The following ERBB4 variants were observed in gnomAD, a reference collection of about 807,000 sequenced individuals.
The protein encoded by ERBB4 is receptor tyrosine-protein kinase erbB-4.
ERBB4 carries 42 observed loss-of-function variants against 158.0 expected under a neutral mutation model. The ratio of observed to expected loss-of-function variants is 0.27; its 90% CI spans 0.21 to 0.34. The LOEUF is 0.34. Ranked by LOEUF, ERBB4 falls within the 10% of genes least tolerant of loss-of-function variation. The pLI, the probability that ERBB4 is intolerant of heterozygous loss-of-function variation, is 1.00. For missense variants in ERBB4, 1,333 were observed against 1,624.1 expected, an observed-to-expected ratio of 0.82 and a Z score of 3.08; for synonymous variants, 583 against 558.7, an observed-to-expected ratio of 1.04 and a Z score of -0.61.
intron 1 of ERBB4, among the ~76,000 whole-genome samples, chr2:212,138,123 A>T (rs2125598380): frequency 6.6e-6 from 1 of 152,276 alleles, no homozygotes; most frequent in Admixed American, 6.5e-5. Context: ...AATAAATATG[A>T]ATAATTTTAT....
intron 2 of ERBB4, among the ~76,000 whole-genome samples, chr2:211,962,857 A>G (rs1223320528): frequency 6.6e-6 from 1 of 152,156 alleles, no homozygotes; most frequent in Non-Finnish European, 1.5e-5. Context: ...AAAAACCAGT[A>G]TAAGGAACAA....
chr2:212,216,589 A>T (rs2083106742), intron 1 of ERBB4, among the ~76,000 whole-genome samples: 1 of 151,324 alleles, frequency 6.6e-6, no homozygotes, highest in Non-Finnish European at 1.5e-5. Flanking sequence ...GAGAATTAAT[A>T]TCTTCATCCA....
chr2:212,259,323 C>T (rs1012404724), intron 1 of ERBB4, among the ~76,000 whole-genome samples: 2 of 152,122 alleles, frequency 1.3e-5, no homozygotes, highest in Non-Finnish European at 2.9e-5. Context: ...ACTTGAAAAG[C>T]CAATGAGTCC....
chr2:211,921,921 A>G (rs2079867734), intron 3 of ERBB4, among the ~76,000 whole-genome samples: 1 of 152,094 alleles, frequency 6.6e-6, no homozygotes. Flanking sequence ...GCTGGATGGT[A>G]GTTGTGATTT....
intron 20 of ERBB4, among the ~76,000 whole-genome samples, chr2:211,516,107 G>A (rs1361549208): frequency 2.0e-5 from 3 of 149,730 alleles, no homozygotes; most frequent in Non-Finnish European, 3.0e-5. Context: ...TAGTAGAGAC[G>A]GGGTTTCACT....
At chr2:211,936,084 T>C (rs1275311779) in intron 3 of ERBB4, among the ~76,000 whole-genome samples, 1 of 152,152 alleles carries the variant, frequency 6.6e-6, no homozygotes, top group Non-Finnish European at 1.5e-5. Flanking sequence ...TGTTCTTATT[T>C]GTATACCAGC....
chr2:212,217,686 C>G (rs1221051654), intron 1 of ERBB4, among the ~76,000 whole-genome samples: 1 of 151,104 alleles, frequency 6.6e-6, no homozygotes, highest in Admixed American at 6.6e-5. Flanking sequence ...TTAAACAGAC[C>G]CATTAAAACA....
chr2:212,443,403 G>A (rs926516850), intron 1 of ERBB4, among the ~76,000 whole-genome samples: 18 of 152,160 alleles, frequency 1.2e-4, no homozygotes, highest in East Asian at 1.2e-3. Flanking sequence ...TTCCAACTTC[G>A]TAAAATTTCC....
At chr2:212,307,205 G>C (rs2086841900) in intron 1 of ERBB4, among the ~76,000 whole-genome samples, 1 of 151,092 alleles carries the variant, frequency 6.6e-6, no homozygotes, top group Admixed American at 6.6e-5. Context: ...AACTGGATCA[G>C]ATGACCTTTC....
intron 2 of ERBB4, among the ~76,000 whole-genome samples, chr2:212,000,278 G>A (rs577700580): frequency 2.6e-5 from 4 of 151,840 alleles, no homozygotes; most frequent in East Asian, 1.9e-4. Flanking sequence ...CTGAATTTCC[G>A]TGGCCAGATA....
At chr2:211,438,229 C>CATG (rs1448806795) in intron 20 of ERBB4, among the ~76,000 whole-genome samples, 1 of 152,096 alleles carries the variant, frequency 6.6e-6, no homozygotes. Flanking sequence ...ATTTTTATTC[C>CATG]ATGATAGATG....
intron 2 of ERBB4, among the ~76,000 whole-genome samples, chr2:212,080,598 T>C (rs565458624): frequency 2.6e-5 from 3 of 114,744 alleles, no homozygotes; most frequent in African/African-American, 8.2e-5. Flanking sequence ...ATTGGAGATA[T>C]ATTGGCAACC....
intron 3 of ERBB4, among the ~76,000 whole-genome samples, chr2:211,828,620 C>A (rs1043320772): frequency 5.9e-5 from 9 of 152,136 alleles, no homozygotes; most frequent in African/African-American, 1.9e-4. Context: ...TGCTAAAACA[C>A]AACCTCACTC....
chr2:211,581,538 T>C (rs1313228833), intron 19 of ERBB4, among the ~76,000 whole-genome samples: 1 of 152,144 alleles, frequency 6.6e-6, no homozygotes, highest in East Asian at 1.9e-4. Context: ...TAAAACTTTT[T>C]TTTGTTCTTT....
intron 1 of ERBB4, among the ~76,000 whole-genome samples, chr2:212,520,819 C>A (rs1403928427): frequency 3.3e-5 from 5 of 151,948 alleles, no homozygotes; most frequent in Non-Finnish European, 7.4e-5. Flanking sequence ...TTACTAATAT[C>A]TTTTTTAAGC....
At chr2:211,401,598 T>G (rs2063043757) in intron 25 of ERBB4, among the ~76,000 whole-genome samples, 1 of 152,088 alleles carries the variant, frequency 6.6e-6, no homozygotes, top group South Asian at 2.1e-4. Context: ...AGGAAATATT[T>G]GAACTCTCAT....
intron 20 of ERBB4, among the ~76,000 whole-genome samples, chr2:211,559,835 CTAAA>C (rs567415104): frequency 6.2e-4 from 94 of 152,176 alleles, no homozygotes; most frequent in Admixed American, 3.0e-3. Context: ...AGATTAATGA[CTAAA>C]TAAGCTTACC....
At chr2:212,481,066 A>G (rs556508566) in intron 1 of ERBB4, among the ~76,000 whole-genome samples, 28 of 152,318 alleles carry the variant, frequency 1.8e-4, no homozygotes, top group African/African-American at 6.0e-4. Flanking sequence ...ACATGTGTGC[A>G]TACAACACAT....
chr2:212,065,487 T>C (rs2077916210), intron 2 of ERBB4, among the ~76,000 whole-genome samples: 2 of 152,090 alleles, frequency 1.3e-5, no homozygotes, highest in South Asian at 4.1e-4. Context: ...AATACCCATG[T>C]ATTATTAATC....
Sources: gnomAD v4.1 joint callset for allele counts (sites outside exome capture counted in the v4.1 genomes callset) on GRCh38, gnomAD v4.1.1 for gene constraint, MANE v1.5 for transcripts, NCBI Gene and HGNC (gene_info 2026-07-23, HGNC 2026-07-21) for gene names.